Variants in LRRC7 observed in about 807,000 individuals in gnomAD.
LRRC7 encodes leucine-rich repeat-containing protein 7.
In LRRC7, 23 loss-of-function variants were observed where a neutral mutation model predicts 175.7. That is an observed-to-expected ratio of 0.13 (90% CI 0.09 to 0.19). LRRC7 has a LOEUF of 0.19. LRRC7 is among the 10% of genes least tolerant of loss of function. LRRC7 has a pLI of 1.00. For missense variants in LRRC7, 1,354 were observed against 1,904.7 expected (o/e 0.71, Z 5.38); for synonymous variants, 685 against 680.9 (o/e 1.01, Z -0.09).
At chr1:69,882,175 T>A (rs1247146413) in intron 7 of LRRC7, among the ~76,000 whole-genome samples, 1 of 151,944 alleles carries the variant, frequency 6.6e-6, no homozygotes, top group African/African-American at 2.4e-5. Context: ...AAGCCATGAG[T>A]TATCACAGTA....
intron 24 of LRRC7, among the ~76,000 whole-genome samples, chr1:70,085,796 A>T (rs902830235): frequency 2.0e-5 from 3 of 151,974 alleles, no homozygotes; most frequent in African/African-American, 7.2e-5. Context: ...GAAATTACTT[A>T]TTTGTTGTTT....
intron 4 of LRRC7, among the ~76,000 whole-genome samples, chr1:69,796,735 G>C (rs1379663094): frequency 6.6e-6 from 1 of 151,772 alleles, no homozygotes; most frequent in Non-Finnish European, 1.5e-5. Context: ...CGGAGGTTGC[G>C]GTGAGCCGAG....
At chr1:69,614,981 G>A (rs1649385973) in intron 1 of LRRC7, among the ~76,000 whole-genome samples, 1 of 151,970 alleles carries the variant, frequency 6.6e-6, no homozygotes, top group Non-Finnish European at 1.5e-5. Context: ...GCAAGAGCCT[G>A]GGATAATTTT....
chr1:69,956,556 T>A (rs2101834177), intron 8 of LRRC7, among the ~76,000 whole-genome samples: 1 of 151,940 alleles, frequency 6.6e-6, no homozygotes, highest in African/African-American at 2.4e-5. Flanking sequence ...ATGTTATAAA[T>A]TAATTGTCCC....
chr1:69,853,384 TTC>T (rs1683218553), intron 7 of LRRC7, among the ~76,000 whole-genome samples: 1 of 148,416 alleles, frequency 6.7e-6, no homozygotes, highest in Non-Finnish European at 1.5e-5. Flanking sequence ...GTTCAAGCGA[TTC>T]TCCTGCGTCA....
chr1:69,596,068 C>A (rs1027589142), intron 1 of LRRC7, among the ~76,000 whole-genome samples: 1 of 151,866 alleles, frequency 6.6e-6, no homozygotes, highest in Admixed American at 6.6e-5. Context: ...ACGATGATAC[C>A]TGTGAGTCTG....
At chr1:69,698,820 T>A in intron 2 of LRRC7, among the ~76,000 whole-genome samples, 1 of 152,212 alleles carries the variant, frequency 6.6e-6, no homozygotes, top group East Asian at 1.9e-4. Flanking sequence ...ATGGTCTCAA[T>A]GTTGTTGTTA....
At chr1:69,838,593 T>C (rs971663951) in intron 7 of LRRC7, among the ~76,000 whole-genome samples, 2 of 151,904 alleles carry the variant, frequency 1.3e-5, no homozygotes, top group African/African-American at 4.8e-5. Context: ...CTAAAAACAA[T>C]AGTGTCACAA....
intron 2 of LRRC7, among the ~76,000 whole-genome samples, chr1:69,735,253 T>G (rs1329432059): frequency 6.6e-6 from 1 of 152,074 alleles, no homozygotes; most frequent in Non-Finnish European, 1.5e-5. Context: ...CACAAATGTG[T>G]TTTATGACTG....
At chr1:69,850,361 T>C (rs916933426) in intron 7 of LRRC7, among the ~76,000 whole-genome samples, 2 of 151,952 alleles carry the variant, frequency 1.3e-5, no homozygotes, top group Non-Finnish European at 2.9e-5. Context: ...TTGTGAGCCA[T>C]GTTGGGAAAT....
intron 8 of LRRC7, among the ~76,000 whole-genome samples, chr1:69,956,454 A>G (rs1161979490): frequency 6.6e-6 from 1 of 151,914 alleles, no homozygotes; most frequent in Non-Finnish European, 1.5e-5. Flanking sequence ...AAGTTTTAAC[A>G]GTAATAATGA....
intron 26 of LRRC7, among the ~76,000 whole-genome samples, chr1:70,114,999 G>A (rs904985834): frequency 3.3e-5 from 5 of 152,046 alleles, no homozygotes; most frequent in African/African-American, 1.2e-4. Flanking sequence ...ACAGATGTTC[G>A]ATAACTTATT....
chr1:69,826,755 C>T (rs1184119011), intron 5 of LRRC7, among the ~76,000 whole-genome samples: 2 of 151,968 alleles, frequency 1.3e-5, no homozygotes, highest in African/African-American at 4.8e-5. Context: ...AACCGAAGCC[C>T]ATTGGAAAGA....
chr1:69,592,005 T>C (rs1646655753), intron 1 of LRRC7, among the ~76,000 whole-genome samples: 1 of 152,106 alleles, frequency 6.6e-6, no homozygotes, highest in Admixed American at 6.6e-5. Context: ...CTATGTCCAG[T>C]GTTGAGGAAG....
At chr1:69,903,465 A>G (rs964404788) in intron 7 of LRRC7, among the ~76,000 whole-genome samples, 1 of 152,182 alleles carries the variant, frequency 6.6e-6, no homozygotes, top group Admixed American at 6.6e-5. Flanking sequence ...CACCTTTCCC[A>G]CAGTCTTCAC....
chr1:70,038,180 C>A lies in LRRC7; in HGVS notation c.2356C>A (p.Pro786Thr), dbSNP rs1391310817. ...PLLSQREAVP[P>T]GNIPQRPDRL... ...ACTCAGCCAGCGGGAGGCTGTTCCC[C>A]CAGGCAATATACCACAGCGTCCTGA... The change falls in exon 21 of 27, where the codon CCA becomes ACA. Residue 786 changes from proline (P) to threonine (T), a missense_variant. Transcript: ENST00000651989. 6.2e-7 allele frequency: 1 copy of A among 1,614,002 alleles called. No individual in the cohort carries two copies. Among genetic ancestry groups the A allele is most frequent in the Non-Finnish European group, 8.5e-7 (1 of 1,179,986 alleles).
intron 2 of LRRC7, among the ~76,000 whole-genome samples, chr1:69,718,105 G>GAAAAAGAA (rs1254491527): frequency 3.4e-5 from 2 of 58,930 alleles, no homozygotes; most frequent in Non-Finnish European, 6.7e-5. Context: ...AGAAGAAAGA[G>GAAAAAGAA]AGAAAAAGAA....
intron 7 of LRRC7, among the ~76,000 whole-genome samples, chr1:69,931,116 A>G (rs1487843564): frequency 6.6e-6 from 1 of 152,236 alleles, no homozygotes; most frequent in Non-Finnish European, 1.5e-5. Flanking sequence ...ACTGATGATG[A>G]AATGGTGCCA....
intron 3 of LRRC7, among the ~76,000 whole-genome samples, chr1:69,788,713 T>C (rs1674780106): frequency 6.6e-6 from 1 of 152,164 alleles, no homozygotes; most frequent in Non-Finnish European, 1.5e-5. Flanking sequence ...TTTTCACACC[T>C]TTCCTAGAGA....
Sources: gnomAD v4.1 joint callset for allele counts (sites outside exome capture counted in the v4.1 genomes callset) on GRCh38, gnomAD v4.1.1 for gene constraint, MANE v1.5 for transcripts, NCBI Gene and HGNC (gene_info 2026-07-23, HGNC 2026-07-21) for gene names.